ABCA12: variants seen among roughly 807,000 people sequenced by gnomAD.
The protein encoded by ABCA12 is ATP binding cassette subfamily A member 12, also known as glucosylceramide transporter ABCA12.
A neutral mutation model predicts 293.5 loss-of-function variants in ABCA12; 156 were observed. That is an observed-to-expected ratio of 0.53 (90% CI 0.47 to 0.61). The LOEUF (loss-of-function observed/expected upper bound fraction) is 0.61, where lower values mean the gene tolerates loss of function less well. Among genes scored for constraint, ABCA12 ranks in the 20% least tolerant of loss-of-function variants. The pLI, the probability that ABCA12 is intolerant of heterozygous loss-of-function variation, is 0.00. For missense variants in ABCA12, 2,797 were observed against 3,090.2 expected (o/e 0.91, Z 2.25); for synonymous variants, 1,063 against 1,108.0 (o/e 0.96, Z 0.81).
intron 2 of ABCA12, among the ~76,000 whole-genome samples, chr2:215,106,840 A>G (rs1702472790): frequency 6.6e-6 from 1 of 151,782 alleles, no homozygotes. Context: ...GCTATTTAGT[A>G]TAACTCTGTG....
intron 40 of ABCA12, 136 bp from the exon 41 acceptor site, chr2:214,958,590 C>T (rs1699023677): frequency 2.3e-6 from 2 of 871,446 alleles, no homozygotes; most frequent in South Asian, 3.0e-5. Flanking sequence ...TCCTGCAAGG[C>T]AGCCAGATAA....
At position 214,970,262 on chromosome 2, in the gene ABCA12, G is replaced by GA. The variant is rs1559121425; in HGVS notation, c.5690+10dup. On this transcript the variant is annotated intron_variant, in intron 37 of 52. Transcript: ENST00000272895. ...CAAGCAATTAAATATGTTATAAACAGATTATTTTACCTTTTTTGGACAAAC... is the reference window on the plus strand; with the variant it reads ...CAAGCAATTAAATATGTTATAAACAGAATTATTTTACCTTTTTTGGACAAAC... 1 of 1,609,858 alleles carries GA rather than the reference G, an allele frequency of 6.2e-7. No individual in the cohort carries two copies. Among genetic ancestry groups the GA allele is most frequent in the Non-Finnish European group, 8.5e-7 (1 of 1,177,844 alleles).
intron 23 of ABCA12, among the ~76,000 whole-genome samples, 153 bp downstream of exon 23, chr2:214,997,542 C>G (rs1311218721): frequency 6.6e-6 from 1 of 152,154 alleles, no homozygotes; most frequent in Non-Finnish European, 1.5e-5. Context: ...ATTGCCTTAT[C>G]AGCTGCTTTT....
chr2:214,968,405 T>G (rs1699311675), intron 38 of ABCA12, among the ~76,000 whole-genome samples: 1 of 152,154 alleles, frequency 6.6e-6, no homozygotes, highest in Non-Finnish European at 1.5e-5. Context: ...AGTTCTTTCA[T>G]TTCCATTGCT....
At chr2:215,104,615 T>C (rs1237994329) in intron 2 of ABCA12, among the ~76,000 whole-genome samples, 3 of 152,224 alleles carry the variant, frequency 2.0e-5, no homozygotes, top group Non-Finnish European at 4.4e-5. Flanking sequence ...CATGTTGGTA[T>C]GTGAAGGGTC....
At chr2:214,949,303 C>T (rs891166254) in intron 45 of ABCA12, among the ~76,000 whole-genome samples, 154 bp from the exon 46 acceptor site, 1 of 150,986 alleles carries the variant, frequency 6.6e-6, no homozygotes, top group African/African-American at 2.4e-5. Flanking sequence ...CTTGATAAAA[C>T]TTTCTTTTTT....
chr2:214,948,285 C>T (rs1188073980), intron 47 of ABCA12, among the ~76,000 whole-genome samples: 1 of 152,160 alleles, frequency 6.6e-6, no homozygotes, highest in Non-Finnish European at 1.5e-5. Context: ...GTATAGGCCT[C>T]ACCACCCAGT....
chr2:215,001,060 A>G, intron 21 of ABCA12, 40 bp from the exon 22 acceptor site: 1 of 1,594,296 alleles, frequency 6.3e-7, no homozygotes. Flanking sequence ...AGGTTATTTT[A>G]TGGTTGACGT....
chr2:215,092,495 A>G (rs1329423361), intron 2 of ABCA12, among the ~76,000 whole-genome samples: 1 of 150,902 alleles, frequency 6.6e-6, no homozygotes, highest in Admixed American at 6.6e-5. Flanking sequence ...GGACACCTCT[A>G]CTCCCTCCCT....
intron 2 of ABCA12, among the ~76,000 whole-genome samples, chr2:215,065,420 C>A (rs576618176): frequency 6.6e-6 from 1 of 150,760 alleles, no homozygotes; most frequent in South Asian, 2.1e-4. Flanking sequence ...AGCAACATGG[C>A]CATGCATTAA....
At chr2:215,028,422 T>A (rs562919534) in intron 9 of ABCA12, among the ~76,000 whole-genome samples, 8 of 152,324 alleles carry the variant, frequency 5.3e-5, no homozygotes, top group Non-Finnish European at 7.4e-5. Context: ...TATATTTTTT[T>A]AAAAAGTATC....
At chr2:215,052,919 G>C (rs186638538) in intron 4 of ABCA12, among the ~76,000 whole-genome samples, 47 of 152,180 alleles carry the variant, frequency 3.1e-4, no homozygotes, top group African/African-American at 1.1e-3. Flanking sequence ...TGGAGGATTT[G>C]AGGTGCCTAC....
chr2:215,092,412 C>A (rs766320388), intron 2 of ABCA12, among the ~76,000 whole-genome samples: 3 of 152,038 alleles, frequency 2.0e-5, no homozygotes, highest in Non-Finnish European at 4.4e-5. Context: ...CATCTAATTG[C>A]CACCCTTCTC....
intron 34 of ABCA12, among the ~76,000 whole-genome samples, chr2:214,975,533 T>G (rs1274033555): frequency 6.6e-6 from 1 of 152,244 alleles, no homozygotes; most frequent in Non-Finnish European, 1.5e-5. Flanking sequence ...ATTTCTTAAT[T>G]AAAGTCGTCA....
At chr2:215,106,837 A>C (rs10191504) in intron 2 of ABCA12, among the ~76,000 whole-genome samples, 1,729 of 151,474 alleles carry the variant, frequency 0.011, 32 homozygotes, top group African/African-American at 0.04. Flanking sequence ...GGTGCTATTT[A>C]GTATAACTCT....
At chr2:214,984,643 C>T (rs1042937891) in intron 28 of ABCA12, among the ~76,000 whole-genome samples, 1 of 152,122 alleles carries the variant, frequency 6.6e-6, no homozygotes, top group African/African-American at 2.4e-5. Flanking sequence ...CTAAAAGCCA[C>T]ACCCTCATTG....
chr2:214,940,819 C>T (rs1029471570), intron 50 of ABCA12, among the ~76,000 whole-genome samples: 2 of 151,964 alleles, frequency 1.3e-5, no homozygotes. Context: ...GTGATCTCCC[C>T]TTTATCATTT....
intron 3 of ABCA12, among the ~76,000 whole-genome samples, chr2:215,059,416 A>G (rs891789716): frequency 5.9e-5 from 9 of 152,052 alleles, no homozygotes; most frequent in Non-Finnish European, 1.2e-4. Flanking sequence ...TCATTCCCTA[A>G]GGGTCATCCA....
chr2:215,059,896 A>T (rs995466269), intron 3 of ABCA12, among the ~76,000 whole-genome samples: 4 of 151,926 alleles, frequency 2.6e-5, no homozygotes, highest in Non-Finnish European at 5.9e-5. Flanking sequence ...TTTCCCTTTC[A>T]CTGAATTCTG....
Sources: allele counts gnomAD v4.1 joint callset (sites outside exome capture counted in the v4.1 genomes callset), GRCh38; gene constraint gnomAD v4.1.1; transcripts MANE v1.5; gene names NCBI Gene and HGNC (gene_info 2026-07-23, HGNC 2026-07-21).